Variants in FLRT2 observed in about 807,000 individuals in gnomAD.
FLRT2 encodes the protein leucine-rich repeat transmembrane protein FLRT2.
FLRT2 carries 15 observed loss-of-function variants against 40.0 expected under a neutral mutation model. The observed-to-expected ratio is 0.38, with a 90% CI of 0.25 to 0.58. The LOEUF (loss-of-function observed/expected upper bound fraction) is 0.58. Ranked by LOEUF, FLRT2 falls within the 20% of genes least tolerant of loss-of-function variation. FLRT2 has a pLI of 0.71. For missense variants in FLRT2, 726 were observed against 840.0 expected (o/e 0.86, Z 1.68); for synonymous variants, 380 against 336.8 (o/e 1.13, Z -1.41).
At chr14:85,577,057 C>T (rs1159862256) in intron 1 of FLRT2, among the ~76,000 whole-genome samples, 2 of 152,156 alleles carry the variant, frequency 1.3e-5, no homozygotes, top group African/African-American at 4.8e-5. Flanking sequence ...AATGGAAATT[C>T]AAACCTCAAA....
rs1894258276 is a variant in FLRT2 at position 85,645,030 on chromosome 14, C to T, written c.*21533C>T. 6.6e-6 allele frequency: 1 copy of T among 152,022 alleles called. No homozygotes were observed. Among genetic ancestry groups the T allele is most frequent in the African/African-American group, 2.4e-5 (1 of 41,380 alleles). The allele number at this position is 152,022 out of a possible 1,614,324, so 9.4% of individuals were successfully genotyped here. On this transcript the variant is annotated 3_prime_UTR_variant, in exon 2 of 2. Transcript: ENST00000330753. Reference sequence around the variant, plus strand: ...ATAGAAATAGATGCCGAAAGAGGCTCAACTGTTGGCTATTGGATCCCGAGT... The same window carrying T: ...ATAGAAATAGATGCCGAAAGAGGCTTAACTGTTGGCTATTGGATCCCGAGT...
In FLRT2 at chr14:85,649,869, A is replaced by G. The variant is rs912620535; in HGVS notation, c.*26372A>G. 40 of 152,060 alleles carry G rather than the reference A, an allele frequency of 2.6e-4. No individual in the cohort carries two copies. The highest frequency in any genetic ancestry group is 8.9e-4 in the African/African-American group (37 of 41,422). The allele number at this position is 152,060 out of a possible 1,614,324, so 9.4% of individuals were successfully genotyped here. On this transcript the variant is annotated 3_prime_UTR_variant, in exon 2 of 2. Coordinates refer to ENST00000330753, the MANE Select transcript of FLRT2 (RefSeq NM_013231.6). ...CATAAAATACTTTCTCATATTCTGA[A>G]GAATGAAGCATTTCTGTCCTAGGTG...
At chr14:85,551,825 TA>T (rs1889643938) in intron 1 of FLRT2, 2 of 152,202 alleles carry the variant, frequency 1.3e-5, no homozygotes, top group Non-Finnish European at 2.9e-5. Context: ...GTAACTCACA[TA>T]TTTTTTATTT....
At chr14:85,544,216 A>C (rs1889144913) in intron 1 of FLRT2, among the ~76,000 whole-genome samples, 1 of 152,244 alleles carries the variant, frequency 6.6e-6, no homozygotes, top group African/African-American at 2.4e-5. Flanking sequence ...TGGTAAACCC[A>C]ACCTTGATCA....
intron 1 of FLRT2, among the ~76,000 whole-genome samples, chr14:85,548,071 G>A (rs1259162187): frequency 6.6e-6 from 1 of 152,176 alleles, no homozygotes; most frequent in African/African-American, 2.4e-5. Flanking sequence ...CTTTAGCTTA[G>A]TGATTTTGGG....
intron 1 of FLRT2, among the ~76,000 whole-genome samples, chr14:85,536,559 A>T (rs1184933869): frequency 6.6e-6 from 1 of 151,742 alleles, no homozygotes; most frequent in Middle Eastern, 3.2e-3. Context: ...GATTACTTTA[A>T]TAACTTTGTG....
In FLRT2 at chr14:85,627,504, C is replaced by G. The variant is rs750733136; in HGVS notation, c.*4007C>G. 1 of 166,914 alleles carries G rather than the reference C, an allele frequency of 6.0e-6. No individual in the cohort carries two copies. The highest frequency in any genetic ancestry group is 2.4e-5 in the African/African-American group (1 of 41,396). The allele number at this position is 166,914 out of a possible 1,614,324, so 10.3% of individuals were successfully genotyped here. On this transcript the variant is annotated 3_prime_UTR_variant, in exon 2 of 2. Coordinates refer to ENST00000330753, the MANE Select transcript of FLRT2 (RefSeq NM_013231.6). ...TAGTTTTTTGTTTTCTACCTGCACA[C>G]CCACCAGAAGAGCACAAAGCAAGGC...
At chr14:85,602,005 G>A (rs1419417642) in intron 1 of FLRT2, among the ~76,000 whole-genome samples, 1 of 152,138 alleles carries the variant, frequency 6.6e-6, no homozygotes, top group African/African-American at 2.4e-5. Flanking sequence ...CTGTATGAAG[G>A]AGCAGCCATT....
At chr14:85,592,433 A>G (rs1891932837) in intron 1 of FLRT2, among the ~76,000 whole-genome samples, 1 of 152,006 alleles carries the variant, frequency 6.6e-6, no homozygotes, top group Non-Finnish European at 1.5e-5. Flanking sequence ...ATATACGTCA[A>G]CTCTAAGAAC....
rs566708611 is a variant in FLRT2, at chr14:85,624,095, G to C, written c.*598G>C. Reference sequence around the variant, plus strand: ...CGGTTCCCGTGAGATAAGTTAACCCGGCCTGACAGAATCAAGAAAATTGAG... The same window carrying C: ...CGGTTCCCGTGAGATAAGTTAACCCCGCCTGACAGAATCAAGAAAATTGAG... On this transcript the variant is annotated 3_prime_UTR_variant, in exon 2 of 2. Coordinates refer to ENST00000330753, the MANE Select transcript of FLRT2 (RefSeq NM_013231.6). 2 of 166,984 alleles carry C rather than the reference G, an allele frequency of 1.2e-5. No individual in the cohort carries two copies. The highest frequency in any genetic ancestry group is 2.9e-5 in the Non-Finnish European group (2 of 68,106). The allele number at this position is 166,984 out of a possible 1,614,324, so 10.3% of individuals were successfully genotyped here. A position where few individuals can be genotyped will look rare whatever the true frequency, so the allele number is the denominator to read the frequency against.
chr14:85,608,486 G>A (rs1193651880), intron 1 of FLRT2, among the ~76,000 whole-genome samples: 2 of 151,990 alleles, frequency 1.3e-5, no homozygotes, highest in African/African-American at 2.4e-5. Context: ...CACCCGCCTC[G>A]GCTTCCCAAA....
rs1304497431 is a variant in FLRT2 at position 85,649,069 on chromosome 14, A to G, written c.*25572A>G. Reference sequence around the variant, plus strand: ...CCCTGTCAATATGCCTATTACCCCAATATAATTTAAGATTGACAGGGAGAG... The same window carrying G: ...CCCTGTCAATATGCCTATTACCCCAGTATAATTTAAGATTGACAGGGAGAG... On this transcript the variant is annotated 3_prime_UTR_variant, in exon 2 of 2. Transcript: ENST00000330753. 1 of 152,076 alleles carries G rather than the reference A, an allele frequency of 6.6e-6. No individual in the cohort carries two copies. Among genetic ancestry groups the G allele is most frequent in the African/African-American group, 2.4e-5 (1 of 41,400 alleles). The allele number at this position is 152,076 out of a possible 1,614,324, so 9.4% of individuals were successfully genotyped here. A position where few individuals can be genotyped will look rare whatever the true frequency, so the allele number is the denominator to read the frequency against.
At position 85,641,095 on chromosome 14, in the gene FLRT2, CT is replaced by C. The variant is rs1894138242; in HGVS notation, c.*17599del. On this transcript the variant is annotated 3_prime_UTR_variant, in exon 2 of 2. Transcript: ENST00000330753. ...AAAGTATTTAGTCTATGACTTATTT[CT>C]GCGAAAACCCACGAAAGTGAAAACT... is the stretch of plus-strand genomic sequence containing the variant. 6.6e-6 allele frequency: 1 copy of C among 152,180 alleles called. No homozygotes were observed. Among genetic ancestry groups the C allele is most frequent in the Non-Finnish European group, 1.5e-5 (1 of 68,040 alleles). 9.4% of individuals were successfully genotyped at this position (152,180 alleles called of 1,614,324 possible). A position where few individuals can be genotyped will look rare whatever the true frequency, so the allele number is the denominator to read the frequency against.
rs1349840942 is a variant in FLRT2 at position 85,621,979 on chromosome 14, C to G, written c.465C>G (p.Phe155Leu). 6.2e-7 allele frequency: 1 copy of G among 1,601,226 alleles called. No homozygotes were observed. Among genetic ancestry groups the G allele is most frequent in the Non-Finnish European group, 8.5e-7 (1 of 1,173,618 alleles). ...CAGTGGGGGTGGAAGACGGGGCCTT[C>G]CGGGAGGCTATTAGCCTCAAATTGT... is the stretch of plus-strand genomic sequence containing the variant. ...ISTVGVEDGA[F>L]REAISLKLLF... Residue 155 changes from phenylalanine to leucine, a missense_variant, in exon 2 of 2, where the codon TTC becomes TTG. Coordinates refer to ENST00000330753, the MANE Select transcript of FLRT2 (RefSeq NM_013231.6).
intron 1 of FLRT2, among the ~76,000 whole-genome samples, chr14:85,543,049 A>T (rs552369392): frequency 6.6e-6 from 1 of 152,166 alleles, no homozygotes; most frequent in Non-Finnish European, 1.5e-5. Context: ...CTAAAGTCCA[A>T]CTTCCTGTAA....
chr14:85,554,700 G>A (rs1370619424), intron 1 of FLRT2, among the ~76,000 whole-genome samples: 1 of 152,136 alleles, frequency 6.6e-6, no homozygotes, highest in Admixed American at 6.5e-5. Flanking sequence ...ATTAGTCTAG[G>A]TTTTAATCTA....
At chr14:85,593,906 G>C (rs1381449911) in intron 1 of FLRT2, among the ~76,000 whole-genome samples, 1 of 152,116 alleles carries the variant, frequency 6.6e-6, no homozygotes, top group East Asian at 1.9e-4. Context: ...GCCAGGTGTG[G>C]TGGTACATAC....
At chr14:85,533,699 C>G (rs1888448039) in intron 1 of FLRT2, among the ~76,000 whole-genome samples, 1 of 151,988 alleles carries the variant, frequency 6.6e-6, no homozygotes, top group Non-Finnish European at 1.5e-5. Context: ...GCGGTGGTGG[C>G]GGAGGACGGG....
chr14:85,576,055 C>A (rs1891114875), intron 1 of FLRT2, among the ~76,000 whole-genome samples: 1 of 152,090 alleles, frequency 6.6e-6, no homozygotes, highest in Admixed American at 6.5e-5. Flanking sequence ...AGAGATTGTT[C>A]ATGGACTTGT....
Sources: allele counts gnomAD v4.1 joint callset (sites outside exome capture counted in the v4.1 genomes callset), GRCh38; gene constraint gnomAD v4.1.1; transcripts MANE v1.5; gene names NCBI Gene and HGNC (gene_info 2026-07-23, HGNC 2026-07-21).